The following ZRANB3 variants were observed in gnomAD, a reference collection of about 807,000 sequenced individuals.
ZRANB3 encodes zinc finger RANBP2-type containing 3.
A neutral mutation model predicts 133.8 loss-of-function variants in ZRANB3; 125 were observed. That is an observed-to-expected ratio of 0.93 (90% CI 0.81 to 1.08). The LOEUF (loss-of-function observed/expected upper bound fraction) is 1.08. Ranked by LOEUF, ZRANB3 falls within the 50% of genes least tolerant of loss-of-function variation. The probability of loss-of-function intolerance (pLI) is 0.00; values close to 1 mark genes in which losing one functional copy is unlikely to be tolerated. For synonymous variants in ZRANB3, 387 were observed against 432.7 expected, an observed-to-expected ratio of 0.89 and a Z score of 1.31; for missense variants, 1,229 against 1,275.5, an observed-to-expected ratio of 0.96 and a Z score of 0.56.
At chr2:135,328,067 TTTA>T (rs936276043) in intron 6 of ZRANB3, among the ~76,000 whole-genome samples, 4 of 151,808 alleles carry the variant, frequency 2.6e-5, no homozygotes, top group African/African-American at 7.3e-5. Flanking sequence ...AAAGCCAATT[TTTA>T]TTATTATTAT....
At chr2:135,519,139 T>C (rs935409802) in intron 1 of ZRANB3, among the ~76,000 whole-genome samples, 7 of 152,170 alleles carry the variant, frequency 4.6e-5, no homozygotes, top group African/African-American at 1.7e-4. Context: ...GAAGTGGTTG[T>C]GGCTATAAGA....
intron 12 of ZRANB3, among the ~76,000 whole-genome samples, chr2:135,254,821 G>C (rs569217508): frequency 1.3e-4 from 20 of 151,870 alleles, no homozygotes; most frequent in Admixed American, 1.3e-4. Flanking sequence ...CGCGATCTCA[G>C]CTCACTGCAA....
intron 3 of ZRANB3, among the ~76,000 whole-genome samples, chr2:135,361,338 T>C (rs1453217299): frequency 1.3e-5 from 2 of 152,204 alleles, no homozygotes; most frequent in East Asian, 1.9e-4. Flanking sequence ...AAGAATTAAA[T>C]AGAATACATT....
chr2:135,276,574 A>G (rs1680838218), intron 8 of ZRANB3, among the ~76,000 whole-genome samples: 1 of 152,222 alleles, frequency 6.6e-6, no homozygotes, highest in East Asian at 1.9e-4. Flanking sequence ...TTTAAAATCT[A>G]TGTATCTTTT....
chr2:135,417,190 G>A (rs1247677210), intron 2 of ZRANB3, among the ~76,000 whole-genome samples: 39 of 151,686 alleles, frequency 2.6e-4, no homozygotes, highest in African/African-American at 7.7e-4. Context: ...AGAATGGGAG[G>A]AAATTTTTGC....
rs12386246 is a variant in ZRANB3 at position 135,293,585 on chromosome 2, A to T, written c.967-17830T>A. On this transcript the variant is annotated intron_variant, in intron 8 of 20. Transcript: ENST00000264159. The stretch of plus-strand genomic sequence containing the variant: ...CTCTTTTCCTAATTGAATGCCCTTT[A>T]TTTCCTTCTCCTGCCTCATTGCCCT... 3.2e-3 allele frequency among the ~76,000 whole-genome samples: 483 copies of T among 152,052 alleles called. 10 individuals are homozygous for T. The East Asian group carries it at 0.049, about 15-fold the overall frequency.
At chr2:135,284,572 C>T (rs1425694659) in intron 8 of ZRANB3, among the ~76,000 whole-genome samples, 2 of 152,118 alleles carry the variant, frequency 1.3e-5, no homozygotes, top group African/African-American at 2.4e-5. Context: ...CCCGGGTTCA[C>T]GCCATTCTCC....
intron 12 of ZRANB3, among the ~76,000 whole-genome samples, chr2:135,232,949 CTT>C (rs1221316833): frequency 1.3e-5 from 2 of 152,268 alleles, no homozygotes; most frequent in South Asian, 2.1e-4. Context: ...TGGAGAATGA[CTT>C]TGACAAGGTG....
At chr2:135,518,057 G>A (rs1404100964) in intron 1 of ZRANB3, among the ~76,000 whole-genome samples, 3 of 152,130 alleles carry the variant, frequency 2.0e-5, no homozygotes, top group East Asian at 1.9e-4. Context: ...TGTTTACACC[G>A]TGAGGGGAAA....
chr2:135,238,562 C>G (rs940511585), intron 12 of ZRANB3, among the ~76,000 whole-genome samples: 1 of 152,088 alleles, frequency 6.6e-6, no homozygotes, highest in Non-Finnish European at 1.5e-5. Context: ...TGGGGTTTCA[C>G]CTGGTTGCCC....
intron 2 of ZRANB3, among the ~76,000 whole-genome samples, chr2:135,423,596 C>T (rs1221547340): frequency 6.6e-6 from 1 of 152,128 alleles, no homozygotes; most frequent in East Asian, 1.9e-4. Flanking sequence ...GGGATTAAGA[C>T]TTCAACACAT....
At chr2:135,448,519 C>T (rs1427720795) in intron 2 of ZRANB3, among the ~76,000 whole-genome samples, 1 of 152,102 alleles carries the variant, frequency 6.6e-6, no homozygotes, top group Admixed American at 6.6e-5. Context: ...CAATCACATG[C>T]AAAACACAAG....
chr2:135,308,912 C>T (rs895127818), intron 8 of ZRANB3, among the ~76,000 whole-genome samples: 4 of 151,426 alleles, frequency 2.6e-5, no homozygotes, highest in African/African-American at 9.7e-5. Flanking sequence ...CTTCTCTAAA[C>T]AAACTAGTAA....
chr2:135,336,316 T>G (rs914668594), intron 6 of ZRANB3, among the ~76,000 whole-genome samples: 2 of 152,114 alleles, frequency 1.3e-5, no homozygotes, highest in Admixed American at 1.3e-4. Context: ...AAGCTTCACT[T>G]AACTTATTTT....
intron 2 of ZRANB3, among the ~76,000 whole-genome samples, chr2:135,490,593 C>A (rs566652856): frequency 2.6e-5 from 4 of 151,998 alleles, no homozygotes; most frequent in Non-Finnish European, 5.9e-5. Context: ...ATGGAGATTC[C>A]TCAAGAAACT....
rs74586534 is a variant in ZRANB3, at chr2:135,283,129, T to G, written c.967-7374A>C. ...GTGGGTGCCTGTATCTACAAAAAAT[T>G]TAAAAATTAGCCGGGTGTGGTGGCA... On this transcript the variant is annotated intron_variant, in intron 8 of 20. Coordinates refer to ENST00000264159, the MANE Select transcript of ZRANB3 (RefSeq NM_032143.4). Among the ~76,000 whole-genome samples the G allele has an allele frequency of 1.1e-3, 162 of 150,720 alleles. 6 individuals carry two copies. In the East Asian group the frequency reaches 0.028, roughly 26 times the overall value.
intron 2 of ZRANB3, among the ~76,000 whole-genome samples, chr2:135,498,069 A>C (rs1051417623): frequency 7.6e-6 from 1 of 131,232 alleles, no homozygotes; most frequent in African/African-American, 3.5e-5. Context: ...AATAAATAAT[A>C]AATAAATAAA....
At position 135,230,674 on chromosome 2, in the gene ZRANB3, T is replaced by C. The variant is rs781705733; in HGVS notation, c.1793A>G (p.Lys598Arg). 6.2e-6 allele frequency: 10 copies of C among 1,613,482 alleles called. No homozygotes were observed. The highest frequency in any genetic ancestry group is 5.5e-5 in the South Asian group (5 of 90,906). The change falls in exon 13 of 21, where the codon AAG becomes AGG. Residue 598 changes from lysine to arginine, a missense_variant. Lys to Arg is a conservative substitution (Grantham distance 26). Coordinates refer to ENST00000264159, the MANE Select transcript of ZRANB3 (RefSeq NM_032143.4). Reference sequence around the variant, plus strand: ...TTCCACGAGTGGAGTTCGGATTTGCTTGGACTGGGATGGTGTCTCTTCCGA... The same window carrying C: ...TTCCACGAGTGGAGTTCGGATTTGCCTGGACTGGGATGGTGTCTCTTCCGA... ...SPSEETPSQS[K>R]QIRTPLVESV...
Position 135,272,558 on chromosome 2 carries a change from C to T in ZRANB3, c.1087-671G>A, listed in dbSNP as rs546406811. Among the ~76,000 whole-genome samples, 335 of 151,500 alleles carry T rather than the reference C, an allele frequency of 2.2e-3. 2 individuals are homozygous for T. The highest frequency in any genetic ancestry group is 0.018 in the Admixed American group (270 of 15,196). On this transcript the variant is annotated intron_variant, in intron 9 of 20. Transcript: ENST00000264159. Reference sequence around the variant, plus strand: ...CCTCCTGAGTAGCTGGGACTATAGGCGCCCGCCACCACGCCCGGCTAATTT... The same window carrying T: ...CCTCCTGAGTAGCTGGGACTATAGGTGCCCGCCACCACGCCCGGCTAATTT...
Sources: allele counts gnomAD v4.1 joint callset (sites outside exome capture counted in the v4.1 genomes callset), GRCh38; gene constraint gnomAD v4.1.1; transcripts MANE v1.5; gene names NCBI Gene and HGNC (gene_info 2026-07-23, HGNC 2026-07-21).